The following KMT2E variants were observed in gnomAD, a reference collection of about 807,000 sequenced individuals.
KMT2E encodes lysine methyltransferase 2E (inactive).
Under a neutral mutation model 184.6 loss-of-function variants are expected in KMT2E, and 30 were observed. The observed-to-expected ratio is 0.16, with a 90% CI of 0.12 to 0.22. KMT2E has a LOEUF of 0.22. Ranked by LOEUF, KMT2E falls within the 10% of genes least tolerant of loss-of-function variation. The probability of loss-of-function intolerance (pLI) is 1.00; values close to 1 mark genes in which losing one functional copy is unlikely to be tolerated. For synonymous variants in KMT2E, 815 were observed against 776.5 expected (o/e 1.05, Z -0.82); for missense variants, 2,023 against 2,237.4 (o/e 0.90, Z 1.93).
Position 105,040,931 on chromosome 7 carries a change from G to A in KMT2E, c.-22G>A, listed in dbSNP as rs780453670. The A allele has an allele frequency of 6.9e-6, 11 of 1,599,396 alleles. No individual in the cohort carries two copies. Among genetic ancestry groups the A allele is most frequent in the South Asian group, 2.2e-5 (2 of 90,386 alleles). The stretch of plus-strand genomic sequence containing the variant: ...CAATGCATAGGACTCCATAGTAATC[G>A]AATTTACCAGAGGCGAACGTCATGA... On this transcript the variant is annotated 5_prime_UTR_variant, in exon 3 of 27. Transcript: ENST00000311117.
At position 105,075,919 on chromosome 7, in the gene KMT2E, T is replaced by C. The variant is rs1797507528; in HGVS notation, c.730-124T>C. The stretch of plus-strand genomic sequence containing the variant: ...ATTAAACATTCTCCTAGTGTCAGCT[T>C]TCTTGGTTACCAAATTTTTTGTTAT... On this transcript the variant is annotated intron_variant, in intron 8 of 26. Coordinates refer to ENST00000311117, the MANE Select transcript of KMT2E (RefSeq NM_182931.3). 62 of 701,280 alleles carry C rather than the reference T, an allele frequency of 8.8e-5. 1 individual carries two copies. The South Asian group carries it at 9.8e-4, about 11-fold the overall frequency. 43.4% of individuals were successfully genotyped at this position (701,280 alleles called of 1,614,324 possible).
Position 105,090,080 on chromosome 7 carries a change from C to T in KMT2E, c.1430C>T (p.Ser477Phe). ...ECPVLKRSSESMENINSGYET... is the reference protein window; with the variant it reads ...ECPVLKRSSEFMENINSGYET... ...CCTGTTCTAAAACGTAGTTCTGAAT[C>T]CATGGAAAATATCAATAGTGGTTAT... The change falls in exon 14 of 27, where the codon TCC becomes TTC. Residue 477 changes from serine to phenylalanine, a missense_variant. Transcript: ENST00000311117. The T allele has an allele frequency of 6.2e-7, 1 of 1,613,544 alleles. No homozygotes were observed. Among genetic ancestry groups the T allele is most frequent in the African/African-American group, 1.3e-5 (1 of 74,908 alleles).
intron 15 of KMT2E, among the ~76,000 whole-genome samples, chr7:105,097,559 G>A (rs569237437): frequency 6.6e-6 from 1 of 151,946 alleles, no homozygotes; most frequent in Non-Finnish European, 1.5e-5. Context: ...CTAATTTTTT[G>A]TATCTTTAGT....
Position 105,076,086 on chromosome 7 carries a change from AT to A in KMT2E, c.768+6del. The A allele has an allele frequency of 6.3e-7, 1 of 1,583,056 alleles. No homozygotes were observed. On this transcript the variant is annotated splice_donor_region_variant and intron_variant, in intron 9 of 26. Transcript: ENST00000311117. Reference sequence around the variant, plus strand: ...AGGAAGTCATCAAGAGTTAAGGTAAATACATTAATTTTAAGGTGTTGTTATC... The same window carrying A: ...AGGAAGTCATCAAGAGTTAAGGTAAAACATTAATTTTAAGGTGTTGTTATC...
At chr7:105,061,533 A>G (rs1796812753) in intron 3 of KMT2E, among the ~76,000 whole-genome samples, 1 of 152,198 alleles carries the variant, frequency 6.6e-6, no homozygotes, top group African/African-American at 2.4e-5. Flanking sequence ...GTAAAATGCT[A>G]GGCCAGGGAG....
intron 22 of KMT2E, among the ~76,000 whole-genome samples, chr7:105,108,392 T>C (rs918058861): frequency 6.6e-6 from 1 of 152,254 alleles, no homozygotes; most frequent in African/African-American, 2.4e-5. Context: ...ATTAAGTTAG[T>C]TCCCTGATTT....
At chr7:105,092,548 A>G (rs1289646686) in intron 15 of KMT2E, among the ~76,000 whole-genome samples, 1 of 152,228 alleles carries the variant, frequency 6.6e-6, no homozygotes, top group East Asian at 1.9e-4. Flanking sequence ...TTTTAGGAAC[A>G]CTGGTCTGTT....
chr7:105,029,369 A>C (rs901811335), intron 1 of KMT2E, among the ~76,000 whole-genome samples: 1 of 152,226 alleles, frequency 6.6e-6, no homozygotes, highest in African/African-American at 2.4e-5. Flanking sequence ...AACATAGTAT[A>C]TGTTCAATAA....
intron 13 of KMT2E, 77 bp from the exon 14 acceptor site, chr7:105,089,932 G>A: frequency 6.4e-7 from 1 of 1,551,510 alleles, no homozygotes; most frequent in Non-Finnish European, 8.7e-7. Context: ...TTGTGGAGTT[G>A]CAGCTTAAAA....
intron 12 of KMT2E, among the ~76,000 whole-genome samples, chr7:105,079,328 G>GTATTTTGACTA (rs1797661228): frequency 6.6e-6 from 1 of 151,256 alleles, no homozygotes; most frequent in Non-Finnish European, 1.5e-5. Flanking sequence ...TAGGGACGGG[G>GTATTTTGACTA]TTTCACCATT....
chr7:105,049,613 A>G (rs1178849236), intron 3 of KMT2E, among the ~76,000 whole-genome samples: 1 of 152,024 alleles, frequency 6.6e-6, no homozygotes, highest in Non-Finnish European at 1.5e-5. Flanking sequence ...AAAAATGGCC[A>G]GGCGCGGTGG....
chr7:105,043,262 A>C (rs955080338), intron 3 of KMT2E, among the ~76,000 whole-genome samples: 2 of 136,082 alleles, frequency 1.5e-5, no homozygotes, highest in Non-Finnish European at 3.1e-5. Flanking sequence ...TTTGAGACGG[A>C]GTCTTGCTCT....
In KMT2E at chr7:105,112,463, T is replaced by C. The variant is rs755731057; in HGVS notation, c.4707T>C (p.Tyr1569=). 67 of 1,613,596 alleles carry C rather than the reference T, an allele frequency of 4.2e-5. No homozygotes were observed. Among genetic ancestry groups the C allele is most frequent in the Non-Finnish European group, 5.3e-5 (62 of 1,179,958 alleles). ...AGCCCTCTGCAAACTTTCAGAATTA[T>C]AATCAGCTCAAAGGTAGTCTTTCTC... ...NQQPSANFQN[Y]NQLKGSLSQQ... The change falls in exon 27 of 27, where the codon TAT becomes TAC. Residue 1569 remains tyrosine (Y), a synonymous_variant. Transcript: ENST00000311117.
At chr7:105,071,408 C>T (rs556280216) in intron 6 of KMT2E, among the ~76,000 whole-genome samples, 1 of 150,508 alleles carries the variant, frequency 6.6e-6, no homozygotes, top group South Asian at 2.1e-4. Flanking sequence ...TGCTGTGTCA[C>T]CAGGCTGCAG....
At chr7:105,072,788 G>T (rs1187702800) in intron 6 of KMT2E, among the ~76,000 whole-genome samples, 1 of 152,108 alleles carries the variant, frequency 6.6e-6, no homozygotes, top group African/African-American at 2.4e-5. Flanking sequence ...GGTAGCACAT[G>T]CCCGGAACCC....
chr7:105,078,202 T>C (rs942198062), intron 11 of KMT2E, among the ~76,000 whole-genome samples: 5 of 152,212 alleles, frequency 3.3e-5, no homozygotes, highest in African/African-American at 1.2e-4. Flanking sequence ...CACCAGGAAA[T>C]GTGAACTCTA....
intron 4 of KMT2E, among the ~76,000 whole-genome samples, chr7:105,063,093 A>ATACCT (rs1554389841): frequency 6.7e-6 from 1 of 150,142 alleles, no homozygotes; most frequent in Non-Finnish European, 1.5e-5. Flanking sequence ...GAACGTGAAG[A>ATACCT]TATGATTTGG....
intron 15 of KMT2E, among the ~76,000 whole-genome samples, chr7:105,096,434 G>A (rs1798414984): frequency 1.3e-5 from 2 of 152,072 alleles, no homozygotes; most frequent in African/African-American, 4.8e-5. Flanking sequence ...TGAGTCCACA[G>A]AAGATGATTC....
At chr7:105,017,874 A>G (rs182307693) in intron 1 of KMT2E, among the ~76,000 whole-genome samples, 1 of 152,258 alleles carries the variant, frequency 6.6e-6, no homozygotes, top group Admixed American at 6.5e-5. Flanking sequence ...ACAGGTCTCC[A>G]TTTCCCGTCA....
Sources: gnomAD v4.1 joint callset for allele counts (sites outside exome capture counted in the v4.1 genomes callset) on GRCh38, gnomAD v4.1.1 for gene constraint, MANE v1.5 for transcripts, NCBI Gene and HGNC (gene_info 2026-07-23, HGNC 2026-07-21) for gene names.